The following SAMMSON variants were observed in gnomAD, a reference collection of about 807,000 sequenced individuals.
SAMMSON encodes long intergenic non-protein coding RNA 1212.
At chr3:70,207,492 G>C (rs1233207097) in intron 4 of SAMMSON, among the ~76,000 whole-genome samples, 1 of 151,946 alleles carries the variant, frequency 6.6e-6, no homozygotes, top group African/African-American at 2.4e-5. Flanking sequence ...TTCTGGTTTG[G>C]AGAGCCATAG....
At chr3:70,399,567 TA>T (rs1701121950) in intron 2 of SAMMSON, among the ~76,000 whole-genome samples, 1 of 151,978 alleles carries the variant, frequency 6.6e-6, no homozygotes, top group Non-Finnish European at 1.5e-5. Context: ...AATGATTACA[TA>T]AAAAACACTT....
intron 1 of SAMMSON, among the ~76,000 whole-genome samples, chr3:70,001,901 C>T (rs2066907268): frequency 6.6e-6 from 1 of 152,190 alleles, no homozygotes; most frequent in East Asian, 1.9e-4. Context: ...GCTCTCCAGG[C>T]TCCTGTCCAT....
chr3:70,407,055 CA>C (rs1575642960), intron 2 of SAMMSON, among the ~76,000 whole-genome samples: 1 of 152,126 alleles, frequency 6.6e-6, no homozygotes, highest in East Asian at 1.9e-4. Context: ...GAGGAAGATG[CA>C]AAAGGGAAAA....
intron 4 of SAMMSON, among the ~76,000 whole-genome samples, chr3:70,092,613 T>G (rs2067308815): frequency 1.3e-5 from 2 of 152,278 alleles, no homozygotes; most frequent in Admixed American, 1.3e-4. Context: ...ACCTTTCTTC[T>G]TTGTTCCCAA....
intron 4 of SAMMSON, among the ~76,000 whole-genome samples, chr3:70,102,513 C>A (rs2067350045): frequency 6.6e-6 from 1 of 152,182 alleles, no homozygotes; most frequent in Non-Finnish European, 1.5e-5. Flanking sequence ...ATTGGAGGAG[C>A]ATCTCTAGTC....
intron 7 of SAMMSON, among the ~76,000 whole-genome samples, chr3:70,310,343 T>C (rs955001539): frequency 1.1e-4 from 16 of 151,674 alleles, no homozygotes; most frequent in African/African-American, 3.9e-4. Context: ...AATAAGTATA[T>C]TTTTATTATT....
At chr3:70,123,989 T>C (rs1576127911) in intron 4 of SAMMSON, among the ~76,000 whole-genome samples, 1 of 152,250 alleles carries the variant, frequency 6.6e-6, no homozygotes, top group African/African-American at 2.4e-5. Context: ...TTGTTGCCTC[T>C]GAACAGATTG....
chr3:70,267,125 G>C (rs1701923140), intron 6 of SAMMSON, among the ~76,000 whole-genome samples: 1 of 152,170 alleles, frequency 6.6e-6, no homozygotes. Flanking sequence ...AAGGAGAATA[G>C]GAAGTACCAA....
intron 9 of SAMMSON, among the ~76,000 whole-genome samples, chr3:70,359,154 C>T (rs1485464154): frequency 6.6e-6 from 1 of 152,100 alleles, no homozygotes; most frequent in Non-Finnish European, 1.5e-5. Flanking sequence ...ATTATTCTTG[C>T]TTGACTGCCC....
chr3:70,134,235 A>G (rs1480758524), intron 4 of SAMMSON, among the ~76,000 whole-genome samples: 1 of 150,728 alleles, frequency 6.6e-6, no homozygotes, highest in East Asian at 2.0e-4. Context: ...ACTCCAGTCT[A>G]GGTGACAGGA....
intron 3 of SAMMSON, among the ~76,000 whole-genome samples, chr3:70,038,899 A>G (rs1193400767): frequency 6.6e-6 from 1 of 152,134 alleles, no homozygotes; most frequent in Admixed American, 6.5e-5. Context: ...TGAGGAGTTG[A>G]ATAAAACTGA....
intron 4 of SAMMSON, among the ~76,000 whole-genome samples, chr3:70,091,116 G>A (rs144395128): frequency 1.2e-4 from 19 of 152,240 alleles, no homozygotes; most frequent in African/African-American, 3.8e-4. Flanking sequence ...ATGGCTTAGC[G>A]TATTGTACTT....
intron 4 of SAMMSON, among the ~76,000 whole-genome samples, chr3:70,239,037 A>T (rs1023304087): frequency 6.6e-6 from 1 of 152,170 alleles, no homozygotes; most frequent in Admixed American, 6.5e-5. Flanking sequence ...ATGATCTACA[A>T]AAATGGCTTA....
intron 4 of SAMMSON, among the ~76,000 whole-genome samples, chr3:70,219,864 TAC>T (rs1701446783): frequency 6.6e-6 from 1 of 152,152 alleles, no homozygotes; most frequent in Non-Finnish European, 1.5e-5. Context: ...ACCTAAGAGA[TAC>T]AGTTTCCTGG....
intron 4 of SAMMSON, among the ~76,000 whole-genome samples, chr3:70,242,289 G>A (rs1032481618): frequency 2.6e-5 from 4 of 151,994 alleles, no homozygotes; most frequent in Non-Finnish European, 5.9e-5. Flanking sequence ...ACATCTCTTT[G>A]GAAATGGTGG....
intron 9 of SAMMSON, among the ~76,000 whole-genome samples, chr3:70,380,745 C>T (rs1193354763): frequency 6.6e-6 from 1 of 151,954 alleles, no homozygotes; most frequent in Non-Finnish European, 1.5e-5. Flanking sequence ...TTCCTTTGTC[C>T]AAGTGTTCTC....
intron 4 of SAMMSON, among the ~76,000 whole-genome samples, chr3:70,224,186 C>A (rs1460696771): frequency 6.6e-6 from 1 of 152,054 alleles, no homozygotes; most frequent in Non-Finnish European, 1.5e-5. Context: ...TGGTAAATAG[C>A]CAAAATATAT....
intron 4 of SAMMSON, among the ~76,000 whole-genome samples, chr3:70,119,588 C>T (rs966028787): frequency 6.6e-6 from 1 of 152,130 alleles, no homozygotes; most frequent in Non-Finnish European, 1.5e-5. Flanking sequence ...TGCAGGAATC[C>T]ACTTTCCTGG....
intron 4 of SAMMSON, among the ~76,000 whole-genome samples, chr3:70,181,855 C>T (rs893385944): frequency 6.6e-6 from 1 of 152,106 alleles, no homozygotes; most frequent in Admixed American, 6.5e-5. Context: ...ATGTTACAAA[C>T]TGTGTCAACG....
Sources: allele counts gnomAD v4.1 joint callset (sites outside exome capture counted in the v4.1 genomes callset), GRCh38; gene constraint gnomAD v4.1.1; transcripts MANE v1.5; gene names NCBI Gene and HGNC (gene_info 2026-07-23, HGNC 2026-07-21).